The following FLT3 variants were observed in gnomAD, a reference collection of about 807,000 sequenced individuals.
The protein encoded by FLT3 is fms related receptor tyrosine kinase 3.
In FLT3, 46 loss-of-function variants were observed where a neutral mutation model predicts 126.6. The observed-to-expected ratio is 0.36, with a 90% confidence interval of 0.29 to 0.46. The LOEUF (loss-of-function observed/expected upper bound fraction) is 0.46, where lower values mean the gene tolerates loss of function less well. Among genes scored for constraint, FLT3 ranks in the 20% least tolerant of loss-of-function variants. The probability of loss-of-function intolerance (pLI) is 1.00; values close to 1 mark genes in which losing one functional copy is unlikely to be tolerated. For synonymous variants in FLT3, 404 were observed against 434.4 expected (o/e 0.93, Z 0.87); for missense variants, 1,069 against 1,190.3 (o/e 0.90, Z 1.50).
chr13:28,045,675 C>T (rs957509883), intron 9 of FLT3, among the ~76,000 whole-genome samples: 14 of 152,016 alleles, frequency 9.2e-5, no homozygotes, highest in African/African-American at 3.4e-4. Context: ...GCCTGGCCAA[C>T]ATGAAGAAAC....
chr13:28,023,290 A>G, intron 19 of FLT3, 60 bp downstream of exon 19: 1 of 1,521,352 alleles, frequency 6.6e-7, no homozygotes. Context: ...AAGAAAACAT[A>G]TATAAGCACA....
chr13:28,008,284 A>AT, intron 23 of FLT3, among the ~76,000 whole-genome samples: 1 of 150,666 alleles, frequency 6.6e-6, no homozygotes, highest in East Asian at 1.9e-4. Flanking sequence ...TCAAAAAAAA[A>AT]AAAAAAAAAA....
chr13:28,030,840 C>G (rs866587025), intron 15 of FLT3, among the ~76,000 whole-genome samples: 1 of 152,188 alleles, frequency 6.6e-6, no homozygotes, highest in Middle Eastern at 3.4e-3. Context: ...GGACTTGAAG[C>G]TTGCCGTGAG....
At position 28,050,193 on chromosome 13, in the gene FLT3, T is replaced by A. The variant is rs925177359; in HGVS notation, c.644A>T (p.Lys215Ile). ...TTCATGAAGCACTTTTTCCTCCTTT[T>A]TAACAACAGCTGGACTTTCTTCTTT... ...SCKEESPAVV[K>I]KEEKVLHELF... is the part of the protein sequence containing the mutation. The change falls in exon 6 of 24, where the codon AAA becomes ATA. Residue 215 changes from lysine to isoleucine, a missense_variant. Physicochemically the swap from Lys to Ile is moderately radical, Grantham distance 102. Coordinates refer to ENST00000241453, the MANE Select transcript of FLT3 (RefSeq NM_004119.3). The A allele has an allele frequency of 1.9e-6, 3 of 1,614,038 alleles. No homozygotes were observed. The African/African-American group carries it at 4.0e-5, about 22-fold the overall frequency.
intron 18 of FLT3, 98 bp downstream of exon 18, chr13:28,024,763 A>C: frequency 1.2e-6 from 1 of 854,310 alleles, no homozygotes; most frequent in East Asian, 2.5e-5. Context: ...GCAAATTTTA[A>C]AATGCTTTTG....
At chr13:28,070,443 G>A (rs183478419) in intron 2 of FLT3, 48 bp downstream of exon 2, 101 of 1,538,422 alleles carry the variant, frequency 6.6e-5, no homozygotes, top group South Asian at 9.2e-5. Context: ...TACAAATTAC[G>A]TTCTCTAGAG....
chr13:28,050,539 G>C (rs1413471870), intron 5 of FLT3, among the ~76,000 whole-genome samples: 1 of 151,864 alleles, frequency 6.6e-6, no homozygotes, highest in Non-Finnish European at 1.5e-5. Context: ...TGAGAAAGAA[G>C]ATAAAGGAAA....
intron 5 of FLT3, 94 bp downstream of exon 5, chr13:28,052,451 T>C: frequency 7.7e-7 from 1 of 1,291,634 alleles, no homozygotes; most frequent in Non-Finnish European, 1.1e-6. Context: ...TAAATGAGCA[T>C]AAATTAAATT....
At position 28,015,106 on chromosome 13, in the gene FLT3, C is replaced by CA. The variant is rs775314249; in HGVS notation, c.2753+50dup. The CA allele has an allele frequency of 1.2e-5, 14 of 1,149,264 alleles. No homozygotes were observed. The Middle Eastern group carries it at 9.4e-4, about 77-fold the overall frequency. The allele number at this position is 1,149,264 out of a possible 1,614,324, so 71.2% of individuals were successfully genotyped here. A position where few individuals can be genotyped will look rare whatever the true frequency, so the allele number is the denominator to read the frequency against. ...TTTTGGTCATGCATTTGGAAGTAGA[C>CA]AGACTGTACCTTTCTGATTTCAACC... On this transcript the variant is annotated intron_variant, in intron 22 of 23. Coordinates refer to ENST00000241453, the MANE Select transcript of FLT3 (RefSeq NM_004119.3).
chr13:28,035,466 G>C, intron 12 of FLT3, 29 bp downstream of exon 12: 1 of 1,595,244 alleles, frequency 6.3e-7, no homozygotes, highest in Non-Finnish European at 8.5e-7. Flanking sequence ...ATTCCTGATG[G>C]TGGAATATCA....
intron 1 of FLT3, among the ~76,000 whole-genome samples, chr13:28,072,729 C>T (rs1877624562): frequency 6.7e-6 from 1 of 149,420 alleles, no homozygotes. Flanking sequence ...TGCGGCCGGG[C>T]GTGGTGGCTC....
At chr13:28,022,225 A>G (rs1872457480) in intron 19 of FLT3, among the ~76,000 whole-genome samples, 2 of 151,994 alleles carry the variant, frequency 1.3e-5, no homozygotes, top group African/African-American at 4.8e-5. Flanking sequence ...TTTTTAAAGA[A>G]AAAAGGCCGA....
intron 10 of FLT3, 123 bp downstream of exon 10, chr13:28,037,062 T>C (rs1330917985): frequency 3.2e-6 from 2 of 627,528 alleles, no homozygotes; most frequent in East Asian, 5.5e-5. Context: ...TCAAAACACT[T>C]CAGCGTACAA....
intron 18 of FLT3, among the ~76,000 whole-genome samples, 168 bp from the exon 19 acceptor site, chr13:28,023,645 A>G (rs1041975121): frequency 1.3e-5 from 2 of 152,192 alleles, no homozygotes; most frequent in African/African-American, 4.8e-5. Context: ...CTGCCTATGA[A>G]GGGTCACTGG....
intron 5 of FLT3, among the ~76,000 whole-genome samples, chr13:28,052,147 T>C (rs1566084871): frequency 6.6e-6 from 1 of 151,730 alleles, no homozygotes; most frequent in African/African-American, 2.4e-5. Flanking sequence ...CAGGCTGGAG[T>C]GCAATGGCGT....
In FLT3 at chr13:28,100,345, G is replaced by T; in HGVS notation, c.43+123C>A. ...AGAGGGGAGGGGCGCGGGAGGCAAT[G>T]GAAGGAGCGAGCGCGGGGAGGAGCG... On this transcript the variant is annotated intron_variant, in intron 1 of 23. Transcript: ENST00000241453. The surrounding 1 kb of genome is among the most constrained non-coding windows in gnomAD (Gnocchi z 4.8). 1.6e-6 allele frequency: 1 copy of T among 634,384 alleles called. No individual in the cohort carries two copies. Among genetic ancestry groups the T allele is most frequent in the Non-Finnish European group, 2.2e-6 (1 of 450,562 alleles). 39.3% of individuals were successfully genotyped at this position (634,384 alleles called of 1,614,324 possible).
Position 28,049,440 on chromosome 13 carries a change from T to C in FLT3, c.980A>G (p.Tyr327Cys). ...ATGCTTTGAAGAGGAACAAGTGTAG[T>C]ATCCGGTGTCGTTTCTTGCCACTGA... is the stretch of plus-strand genomic sequence containing the variant. ...VSSVARNDTG[Y>C]YTCSSSKHPS... Residue 327 changes from tyrosine to cysteine, a missense_variant, in exon 8 of 24, where the codon TAC becomes TGC. Transcript: ENST00000241453. The C allele has an allele frequency of 6.2e-7, 1 of 1,613,254 alleles. No individual in the cohort carries two copies.
Position 28,037,067 on chromosome 13 carries a change from G to A in FLT3, c.1309+118C>T, listed in dbSNP as rs573211919. 1.6e-4 allele frequency: 103 copies of A among 637,804 alleles called. 1 individual carries two copies. The highest frequency in any genetic ancestry group is 1.3e-3 in the South Asian group (67 of 52,748). The allele number at this position is 637,804 out of a possible 1,614,324, so 39.5% of individuals were successfully genotyped here. A position where few individuals can be genotyped will look rare whatever the true frequency, so the allele number is the denominator to read the frequency against. ...GAGTAAAGTTTCAAAACACTTCAGC[G>A]TACAAAAACAGTTTTGTAGTAGCCC... On this transcript the variant is annotated intron_variant, in intron 10 of 23. Transcript: ENST00000241453.
intron 23 of FLT3, among the ~76,000 whole-genome samples, chr13:28,005,958 G>A (rs1413265602): frequency 1.3e-5 from 2 of 151,826 alleles, no homozygotes; most frequent in Non-Finnish European, 2.9e-5. Flanking sequence ...TGCCTTTTAT[G>A]TATATAAAAG....
Sources: gnomAD v4.1 joint callset for allele counts (sites outside exome capture counted in the v4.1 genomes callset) on GRCh38, gnomAD v4.1.1 for gene constraint, Gnocchi (gnomAD v3.1) non-coding constraint, MANE v1.5 for transcripts, NCBI Gene and HGNC (gene_info 2026-07-23, HGNC 2026-07-21) for gene names.